Variants in IQCM observed in about 807,000 individuals in gnomAD.
IQCM encodes the protein IQ motif containing M.
In IQCM, 45 loss-of-function variants were observed where a neutral mutation model predicts 57.6. That is an observed-to-expected ratio of 0.78 (90% confidence interval 0.62 to 1.00). IQCM has a LOEUF of 1.00. Among genes scored for constraint, IQCM ranks in the 50% least tolerant of loss-of-function variants. IQCM has a pLI of 0.00. For missense variants in IQCM, 468 were observed against 511.6 expected (o/e 0.91, Z 0.82); for synonymous variants, 148 against 158.9 (o/e 0.93, Z 0.51).
chr4:149,814,766 G>A (rs79366781), intron 2 of IQCM, among the ~76,000 whole-genome samples: 3,345 of 151,774 alleles, frequency 0.022, 62 homozygotes, highest in South Asian at 0.035. Context: ...TGACCCAATG[G>A]GCAGAGACCA....
At chr4:149,716,649 T>A (rs1037302009) in intron 5 of IQCM, among the ~76,000 whole-genome samples, 23 of 152,300 alleles carry the variant, frequency 1.5e-4, no homozygotes, top group Admixed American at 3.9e-4. Flanking sequence ...CCGCTCCAGA[T>A]GGGCTGCTGC....
intron 8 of IQCM, among the ~76,000 whole-genome samples, chr4:149,601,745 A>T (rs1579654251): frequency 6.6e-6 from 1 of 152,276 alleles, no homozygotes; most frequent in East Asian, 1.9e-4. Context: ...CTGCAGATTC[A>T]ACCAACATTG....
intron 2 of IQCM, among the ~76,000 whole-genome samples, chr4:149,756,919 C>A (rs748316624): frequency 1.3e-5 from 2 of 152,164 alleles, no homozygotes; most frequent in Non-Finnish European, 2.9e-5. Context: ...TCCCAAACTA[C>A]CAGATAAACC....
chr4:149,655,803 T>C (rs1759587900), intron 7 of IQCM, among the ~76,000 whole-genome samples: 1 of 152,154 alleles, frequency 6.6e-6, no homozygotes, highest in Non-Finnish European at 1.5e-5. Flanking sequence ...CTTTAGTTCA[T>C]AACTAAACTA....
chr4:149,580,802 G>A (rs761378625), intron 9 of IQCM, among the ~76,000 whole-genome samples: 1 of 151,752 alleles, frequency 6.6e-6, no homozygotes, highest in African/African-American at 2.4e-5. Context: ...AACTTGAGAT[G>A]AGAACTATAC....
At chr4:149,646,396 G>A (rs1758641533) in intron 7 of IQCM, among the ~76,000 whole-genome samples, 1 of 151,740 alleles carries the variant, frequency 6.6e-6, no homozygotes, top group Non-Finnish European at 1.5e-5. Context: ...GTTGGGTACA[G>A]CATATTTTTC....
intron 7 of IQCM, among the ~76,000 whole-genome samples, chr4:149,639,718 TG>T (rs1417340913): frequency 1.4e-4 from 22 of 152,026 alleles, no homozygotes; most frequent in Non-Finnish European, 3.1e-4. Context: ...CCCAGGAGTT[TG>T]AGACCAGCCT....
intron 7 of IQCM, among the ~76,000 whole-genome samples, chr4:149,626,998 T>A (rs1269613161): frequency 6.6e-6 from 1 of 152,110 alleles, no homozygotes; most frequent in Admixed American, 6.6e-5. Flanking sequence ...AATAACTGAT[T>A]CCCTTTTCCT....
At chr4:149,358,661 T>G (rs1729188194) in intron 13 of IQCM, among the ~76,000 whole-genome samples, 1 of 152,078 alleles carries the variant, frequency 6.6e-6, no homozygotes, top group African/African-American at 2.4e-5. Flanking sequence ...ATTAAATATA[T>G]TTTAACTTCA....
chr4:149,622,342 C>CTTTTTTTT (rs767957507), intron 7 of IQCM, among the ~76,000 whole-genome samples: 1 of 140,586 alleles, frequency 7.1e-6, no homozygotes. Context: ...CAGTGGAATT[C>CTTTTTTTT]TTTTTTATTT....
intron 7 of IQCM, among the ~76,000 whole-genome samples, chr4:149,674,489 A>T (rs1484853560): frequency 2.0e-5 from 3 of 152,140 alleles, no homozygotes; most frequent in Non-Finnish European, 4.4e-5. Flanking sequence ...TAAATGCTAG[A>T]AATCAAAGAA....
At chr4:149,570,006 A>G (rs1429670516) in intron 9 of IQCM, among the ~76,000 whole-genome samples, 1 of 152,086 alleles carries the variant, frequency 6.6e-6, no homozygotes, top group African/African-American at 2.4e-5. Context: ...TAGTATATAA[A>G]TGGTTTCAAC....
intron 2 of IQCM, among the ~76,000 whole-genome samples, chr4:149,799,677 T>TC (rs1411800936): frequency 6.6e-6 from 1 of 151,640 alleles, no homozygotes; most frequent in Non-Finnish European, 1.5e-5. Context: ...GTTCAAAGGA[T>TC]CATCAGTGGC....
intron 2 of IQCM, among the ~76,000 whole-genome samples, chr4:149,767,443 G>A (rs567365087): frequency 6.6e-6 from 1 of 152,124 alleles, no homozygotes; most frequent in South Asian, 2.1e-4. Context: ...TTCACAATAT[G>A]TAATTTTTAT....
intron 12 of IQCM, among the ~76,000 whole-genome samples, chr4:149,458,223 C>A (rs892028661): frequency 4.6e-5 from 7 of 151,836 alleles, no homozygotes; most frequent in Non-Finnish European, 7.4e-5. Context: ...CATTAGCCAC[C>A]TGAGAAATAA....
At chr4:149,368,987 C>T (rs1487319112) in intron 13 of IQCM, among the ~76,000 whole-genome samples, 1 of 22,446 alleles carries the variant, frequency 4.5e-5, no homozygotes, top group East Asian at 1.4e-3. Context: ...TATATATATA[C>T]ACGTGTATAT....
At chr4:149,793,944 G>A (rs185350460) in intron 2 of IQCM, among the ~76,000 whole-genome samples, 10 of 152,322 alleles carry the variant, frequency 6.6e-5, no homozygotes, top group Admixed American at 2.6e-4. Context: ...TGTAAAAACA[G>A]AATGCAATAG....
At chr4:149,733,557 C>T in intron 4 of IQCM, 49 bp from the exon 5 acceptor site, 1 of 905,894 alleles carries the variant, frequency 1.1e-6, no homozygotes, top group Non-Finnish European at 1.4e-6. Context: ...TTTTAGTATG[C>T]ATTATTTAAT....
chr4:149,594,513 G>C (rs1388625639), intron 8 of IQCM, among the ~76,000 whole-genome samples: 1 of 152,032 alleles, frequency 6.6e-6, no homozygotes, highest in Non-Finnish European at 1.5e-5. Flanking sequence ...GAATGTGTTT[G>C]CTCTTGCTTC....
Sources: allele counts gnomAD v4.1 joint callset (sites outside exome capture counted in the v4.1 genomes callset), GRCh38; gene constraint gnomAD v4.1.1; transcripts MANE v1.5; gene names NCBI Gene and HGNC (gene_info 2026-07-23, HGNC 2026-07-21).